Variants in MACROD2 observed in about 807,000 individuals in gnomAD.
The protein encoded by MACROD2 is ADP-ribose glycohydrolase MACROD2.
A neutral mutation model predicts 70.4 loss-of-function variants in MACROD2; 36 were observed. That is an observed-to-expected ratio of 0.51 (90% confidence interval 0.39 to 0.68). The LOEUF (loss-of-function observed/expected upper bound fraction) is 0.68, where lower values mean the gene tolerates loss of function less well. Ranked by LOEUF, MACROD2 falls within the 30% of genes least tolerant of loss-of-function variation. MACROD2 has a pLI of 0.00. For synonymous variants in MACROD2, 172 were observed against 178.8 expected, an observed-to-expected ratio of 0.96 and a Z score of 0.30; for missense variants, 496 against 538.4, an observed-to-expected ratio of 0.92 and a Z score of 0.78.
chr20:14,825,909 C>A (rs1210803368), intron 5 of MACROD2, among the ~76,000 whole-genome samples: 1 of 152,108 alleles, frequency 6.6e-6, no homozygotes. Context: ...CCATTTTCCT[C>A]TGAATAGTTA....
intron 6 of MACROD2, among the ~76,000 whole-genome samples, chr20:15,294,435 C>T (rs548016838): frequency 6.6e-6 from 1 of 152,292 alleles, no homozygotes; most frequent in East Asian, 1.9e-4. Flanking sequence ...TCTAAACCTC[C>T]CGTTTTCTTT....
intron 8 of MACROD2, among the ~76,000 whole-genome samples, chr20:15,550,004 A>G (rs1456627076): frequency 6.6e-6 from 1 of 152,098 alleles, no homozygotes; most frequent in Non-Finnish European, 1.5e-5. Context: ...CTTGGCATTA[A>G]TACAGTAATA....
chr20:15,141,521 TG>T (rs756104610), intron 5 of MACROD2, among the ~76,000 whole-genome samples: 2 of 152,182 alleles, frequency 1.3e-5, no homozygotes, highest in Non-Finnish European at 2.9e-5. Flanking sequence ...GCCCTTAAAT[TG>T]GGGCTGGGAA....
intron 3 of MACROD2, among the ~76,000 whole-genome samples, chr20:14,289,707 A>C (rs2082370632): frequency 6.6e-6 from 1 of 151,864 alleles, no homozygotes; most frequent in East Asian, 1.9e-4. Flanking sequence ...ATGCCTGGCT[A>C]ATTTCTGCAT....
intron 15 of MACROD2, among the ~76,000 whole-genome samples, chr20:15,993,690 A>T (rs1457605838): frequency 6.6e-6 from 1 of 152,200 alleles, no homozygotes. Context: ...ATTCAGAAAC[A>T]CTGAATATAT....
rs77694487 is a variant in MACROD2 at position 15,638,745 on chromosome 20, A to G, written c.645+138898A>G. ...GAATTCTACTTAAGAGCTGATAATT[A>G]TGTAGGAGAGAAGAGCATGCTGACT... is the stretch of plus-strand genomic sequence containing the variant. On this transcript the variant is annotated intron_variant, in intron 8 of 17. Transcript: ENST00000684519. Among the ~76,000 whole-genome samples, 1,482 of 152,352 alleles carry G rather than the reference A, an allele frequency of 9.7e-3. 12 individuals carry two copies. The highest frequency in any genetic ancestry group is 0.024 in the East Asian group (124 of 5,188).
intron 3 of MACROD2, among the ~76,000 whole-genome samples, chr20:14,191,351 G>A (rs981690288): frequency 6.6e-6 from 1 of 152,128 alleles, no homozygotes; most frequent in Non-Finnish European, 1.5e-5. Flanking sequence ...CTGATCCTGA[G>A]AAAATTACCA....
intron 7 of MACROD2, among the ~76,000 whole-genome samples, chr20:15,471,022 C>G (rs1419850984): frequency 1.3e-5 from 2 of 152,202 alleles, no homozygotes; most frequent in East Asian, 3.9e-4. Context: ...CATCTTGGAT[C>G]CTATGGTTGA....
chr20:15,103,358 G>T (rs1381861247), intron 5 of MACROD2, among the ~76,000 whole-genome samples: 6 of 151,854 alleles, frequency 4.0e-5, no homozygotes, highest in Non-Finnish European at 5.9e-5. Context: ...TCATGTGTGG[G>T]TTTTTTGAAA....
intron 3 of MACROD2, among the ~76,000 whole-genome samples, chr20:14,410,554 A>G (rs1442940222): frequency 2.6e-5 from 4 of 152,126 alleles, no homozygotes; most frequent in African/African-American, 9.7e-5. Context: ...ATGTTGCTGC[A>G]GTGGACATGA....
intron 3 of MACROD2, among the ~76,000 whole-genome samples, chr20:14,454,722 G>T (rs946626385): frequency 8.0e-5 from 12 of 149,938 alleles, no homozygotes; most frequent in African/African-American, 2.7e-4. Context: ...CTCAGCTAAT[G>T]GAGTTTCCTT....
chr20:14,274,260 C>A (rs1256898563), intron 3 of MACROD2, among the ~76,000 whole-genome samples: 33 of 152,206 alleles, frequency 2.2e-4, no homozygotes, highest in Non-Finnish European at 4.4e-4. Flanking sequence ...AATACTGGCA[C>A]ACCGAATCCA....
chr20:15,440,506 G>A (rs527312954), intron 7 of MACROD2, among the ~76,000 whole-genome samples: 1 of 152,262 alleles, frequency 6.6e-6, no homozygotes, highest in South Asian at 2.1e-4. Context: ...GTAAAAAGGA[G>A]ACCAGCGCAA....
chr20:14,104,035 A>G (rs1159697312), intron 3 of MACROD2, among the ~76,000 whole-genome samples: 1 of 152,142 alleles, frequency 6.6e-6, no homozygotes, highest in Non-Finnish European at 1.5e-5. Flanking sequence ...ATATCTACAT[A>G]CACACACACG....
At chr20:14,820,357 C>CTTTTTTTTTTTTTT (rs11475238) in intron 5 of MACROD2, among the ~76,000 whole-genome samples, 10 of 116,132 alleles carry the variant, frequency 8.6e-5, no homozygotes, top group Non-Finnish European at 1.1e-4. Context: ...ATTTTTCTTC[C>CTTTTTTTTTTTTTT]TTTTTTTTTT....
intron 5 of MACROD2, among the ~76,000 whole-genome samples, chr20:14,878,793 C>T (rs1044200480): frequency 1.3e-5 from 2 of 152,050 alleles, no homozygotes; most frequent in African/African-American, 4.8e-5. Flanking sequence ...CTAAACTCAA[C>T]ATGCCCTTCC....
At position 15,232,868 on chromosome 20, in the gene MACROD2, T is replaced by G. The variant is rs566485712; in HGVS notation, c.540+2807T>G. On this transcript the variant is annotated intron_variant, in intron 6 of 17. Transcript: ENST00000684519. ...CAACATATATATTCTTATTCTTATT[T>G]TACCAAAAGAATAGATTCTTCAAAT... Among the ~76,000 whole-genome samples the G allele has an allele frequency of 4.6e-5, 7 of 152,200 alleles. No homozygotes were observed. In the East Asian group the frequency reaches 1.3e-3, roughly 29 times the overall value.
chr20:14,071,299 C>T (rs1455010468), intron 2 of MACROD2, among the ~76,000 whole-genome samples: 4 of 107,604 alleles, frequency 3.7e-5, no homozygotes, highest in Non-Finnish European at 6.7e-5. Flanking sequence ...CTTGCTCTGT[C>T]GTCCAGGCCA....
chr20:15,793,840 A>T (rs2063647820), intron 8 of MACROD2, among the ~76,000 whole-genome samples: 1 of 147,450 alleles, frequency 6.8e-6, no homozygotes, highest in African/African-American at 2.5e-5. Context: ...TATATTATAT[A>T]AATAAATATA....
Sources: allele counts gnomAD v4.1 joint callset (sites outside exome capture counted in the v4.1 genomes callset), GRCh38; gene constraint gnomAD v4.1.1; transcripts MANE v1.5; gene names NCBI Gene and HGNC (gene_info 2026-07-23, HGNC 2026-07-21).